Variants in CTNND2 observed in about 807,000 individuals in gnomAD.
CTNND2 encodes catenin delta 2, also known as catenin delta-2.
CTNND2 carries 22 observed loss-of-function variants against 144.4 expected under a neutral mutation model. The ratio of observed to expected loss-of-function variants is 0.15; its 90% CI spans 0.11 to 0.22. CTNND2 has a LOEUF of 0.22. CTNND2 is among the 10% of genes least tolerant of loss of function. The probability of loss-of-function intolerance (pLI) is 1.00; values close to 1 mark genes in which losing one functional copy is unlikely to be tolerated. For missense variants in CTNND2, 1,353 were observed against 1,618.8 expected, an observed-to-expected ratio of 0.84 and a Z score of 2.82; for synonymous variants, 751 against 695.6, an observed-to-expected ratio of 1.08 and a Z score of -1.25.
intron 3 of CTNND2, among the ~76,000 whole-genome samples, chr5:11,531,845 C>T (rs919230608): frequency 1.3e-5 from 2 of 152,168 alleles, no homozygotes; most frequent in African/African-American, 4.8e-5. Flanking sequence ...CTGCTATCTT[C>T]ACCAAACATT....
intron 16 of CTNND2, among the ~76,000 whole-genome samples, chr5:11,066,688 GC>G (rs1195905033): frequency 6.6e-6 from 1 of 152,168 alleles, no homozygotes; most frequent in Non-Finnish European, 1.5e-5. Context: ...CAAATATTCT[GC>G]AGAGTTTGAC....
At chr5:11,130,669 C>T (rs908641937) in intron 12 of CTNND2, among the ~76,000 whole-genome samples, 10 of 152,158 alleles carry the variant, frequency 6.6e-5, no homozygotes, top group African/African-American at 1.9e-4. Flanking sequence ...CAAACACTCA[C>T]GTGCCGCTCA....
chr5:10,982,414 C>G (rs746656919), intron 20 of CTNND2, among the ~76,000 whole-genome samples: 5 of 152,232 alleles, frequency 3.3e-5, no homozygotes, highest in Non-Finnish European at 5.9e-5. Flanking sequence ...ACTCTGTTGT[C>G]TGGCTTGCCT....
chr5:11,047,508 T>G (rs1405771597), intron 16 of CTNND2, among the ~76,000 whole-genome samples: 1 of 151,842 alleles, frequency 6.6e-6, no homozygotes, highest in Non-Finnish European at 1.5e-5. Flanking sequence ...GTATAAAGAG[T>G]ATGGCTCCAT....
intron 14 of CTNND2, among the ~76,000 whole-genome samples, chr5:11,109,384 A>AT (rs70947245): frequency 0.16 from 23,643 of 151,686 alleles, 2,520 homozygotes; most frequent in African/African-American, 0.31. Flanking sequence ...CCCTACAGGG[A>AT]TTTTTTTTTA....
chr5:11,023,117 T>TC lies in CTNND2; in HGVS notation c.2789-139dup, dbSNP rs1473457594. The TC allele has an allele frequency of 5.6e-6, 4 of 710,898 alleles. No individual in the cohort carries two copies. The African/African-American group carries it at 7.0e-5, about 12-fold the overall frequency. 44.0% of individuals were successfully genotyped at this position (710,898 alleles called of 1,614,324 possible). On this transcript the variant is annotated intron_variant, in intron 16 of 21. Coordinates refer to ENST00000304623, the MANE Select transcript of CTNND2 (RefSeq NM_001332.4). The stretch of plus-strand genomic sequence containing the variant: ...TTGTTTGTTTCCCATCACTGAATGT[T>TC]CCCTATTGGGTAGTTTTACACACAT...
At chr5:11,026,343 C>A (rs1161821293) in intron 16 of CTNND2, among the ~76,000 whole-genome samples, 1 of 148,788 alleles carries the variant, frequency 6.7e-6, no homozygotes. Flanking sequence ...GCTGACTACT[C>A]CACCTTCTTC....
chr5:11,324,842 G>C (rs1039002709), intron 9 of CTNND2, among the ~76,000 whole-genome samples: 15 of 152,088 alleles, frequency 9.9e-5, no homozygotes, highest in Admixed American at 8.5e-4. Flanking sequence ...GAAACCATTT[G>C]TTTGGTGGCT....
At chr5:11,716,735 G>A (rs1786373940) in intron 2 of CTNND2, among the ~76,000 whole-genome samples, 1 of 151,950 alleles carries the variant, frequency 6.6e-6, no homozygotes, top group Admixed American at 6.6e-5. Flanking sequence ...CACCGAGGCT[G>A]GAGTGCAGTG....
intron 2 of CTNND2, among the ~76,000 whole-genome samples, chr5:11,693,286 A>C (rs1784993323): frequency 6.6e-6 from 1 of 152,172 alleles, no homozygotes; most frequent in African/African-American, 2.4e-5. Flanking sequence ...CTGATAAATA[A>C]ATTTCTGTTA....
At chr5:11,411,707 G>C in intron 4 of CTNND2, 55 bp from the exon 5 acceptor site, 1 of 1,080,046 alleles carries the variant, frequency 9.3e-7, no homozygotes, top group South Asian at 1.4e-5. Flanking sequence ...TATTCTTAAA[G>C]ATTTAGGTTA....
intron 3 of CTNND2, among the ~76,000 whole-genome samples, chr5:11,461,078 G>A (rs986519493): frequency 4.0e-5 from 6 of 150,762 alleles, no homozygotes; most frequent in African/African-American, 1.2e-4. Flanking sequence ...CACTTTCCCC[G>A]CTAGTCCTGC....
At chr5:11,861,814 G>A (rs1447480262) in intron 1 of CTNND2, among the ~76,000 whole-genome samples, 2 of 152,170 alleles carry the variant, frequency 1.3e-5, no homozygotes, top group Non-Finnish European at 2.9e-5. Context: ...GTGCCTGTGT[G>A]CCAGCCATGA....
intron 2 of CTNND2, among the ~76,000 whole-genome samples, chr5:11,580,689 A>T (rs1778359530): frequency 6.6e-6 from 1 of 152,166 alleles, no homozygotes; most frequent in South Asian, 2.1e-4. Flanking sequence ...AGCAGTTCAA[A>T]CCCCAATGCA....
chr5:11,377,639 T>C (rs1278355911), intron 7 of CTNND2, among the ~76,000 whole-genome samples: 1 of 152,176 alleles, frequency 6.6e-6, no homozygotes, highest in Non-Finnish European at 1.5e-5. Flanking sequence ...GCATTTGATT[T>C]ACAAGGATGC....
intron 11 of CTNND2, among the ~76,000 whole-genome samples, chr5:11,179,511 T>C (rs988547790): frequency 6.6e-6 from 1 of 152,128 alleles, no homozygotes; most frequent in African/African-American, 2.4e-5. Context: ...TAAGCCACTA[T>C]GCCTGGACTA....
chr5:11,152,135 G>A (rs1205880213), intron 12 of CTNND2, among the ~76,000 whole-genome samples: 1 of 152,148 alleles, frequency 6.6e-6, no homozygotes, highest in Non-Finnish European at 1.5e-5. Flanking sequence ...ACTGAAAAAA[G>A]GAATATTGTC....
chr5:11,664,435 A>G (rs2126580066), intron 2 of CTNND2, among the ~76,000 whole-genome samples: 1 of 152,292 alleles, frequency 6.6e-6, no homozygotes, highest in Admixed American at 6.5e-5. Context: ...TACTAAAAAT[A>G]CACAAATTAG....
At chr5:11,023,462 G>A (rs942776376) in intron 16 of CTNND2, among the ~76,000 whole-genome samples, 5 of 152,106 alleles carry the variant, frequency 3.3e-5, no homozygotes, top group East Asian at 3.9e-4. Flanking sequence ...GCTATGTTGC[G>A]GCCTGTATTT....
Sources: gnomAD v4.1 joint callset for allele counts (sites outside exome capture counted in the v4.1 genomes callset) on GRCh38, gnomAD v4.1.1 for gene constraint, MANE v1.5 for transcripts, NCBI Gene and HGNC (gene_info 2026-07-23, HGNC 2026-07-21) for gene names.